The following EGLN1 variants were observed in gnomAD, a reference collection of about 807,000 sequenced individuals.
EGLN1 encodes the protein egl nine homolog 1.
EGLN1 carries 17 observed loss-of-function variants against 38.3 expected under a neutral mutation model. The ratio of observed to expected loss-of-function variants is 0.44; its 90% CI spans 0.30 to 0.67. EGLN1 has a LOEUF of 0.67. Ranked by LOEUF, EGLN1 falls within the 30% of genes least tolerant of loss-of-function variation. The probability of loss-of-function intolerance (pLI) is 0.08; values close to 1 mark genes in which losing one functional copy is unlikely to be tolerated. For missense variants in EGLN1, 477 were observed against 603.3 expected, an observed-to-expected ratio of 0.79 and a Z score of 2.19; for synonymous variants, 283 against 257.5, an observed-to-expected ratio of 1.10 and a Z score of -0.95.
chr1:231,391,081 CTGTT>C (rs1467315985), intron 1 of EGLN1, among the ~76,000 whole-genome samples: 2 of 60,216 alleles, frequency 3.3e-5, no homozygotes, highest in African/African-American at 6.2e-5. Flanking sequence ...GGAACTCATT[CTGTT>C]TTTTTTTTGT....
At chr1:231,411,413 T>C (rs943007530) in intron 1 of EGLN1, among the ~76,000 whole-genome samples, 1 of 152,190 alleles carries the variant, frequency 6.6e-6, no homozygotes, top group Non-Finnish European at 1.5e-5. Context: ...TTCACAGCAG[T>C]GTGAAAACAG....
chr1:231,410,888 A>G (rs1312638919), intron 1 of EGLN1, among the ~76,000 whole-genome samples: 1 of 151,572 alleles, frequency 6.6e-6, no homozygotes, highest in Non-Finnish European at 1.5e-5. Context: ...TTTTTTAGCT[A>G]AAAAGCAATT....
In EGLN1 at chr1:231,370,571, T is replaced by A; in HGVS notation, c.1139A>T (p.Tyr380Phe). 6.2e-7 allele frequency: 1 copy of A among 1,613,810 alleles called. No homozygotes were observed. The highest frequency in any genetic ancestry group is 8.5e-7 in the Non-Finnish European group (1 of 1,180,022). Residue 380 changes from tyrosine to phenylalanine, a missense_variant, in exon 3 of 5, where the codon TAT becomes TTT. Physicochemically the swap from Tyr to Phe is conservative, Grantham distance 22 (BLOSUM62 3). Around this residue, in one of 4 missense-constraint regions of EGLN1, gnomAD observed 59 missense variants for 119.0 expected, o/e 0.50. Transcript: ENST00000366641. ...RRNPHEVQPA[Y>F]ATRYAITVWY... ...TGAAAAGGAATACTACCTTGTAGCA[T>A]ATGCTGGTTGTACTTCATGAGGGTT... is the stretch of plus-strand genomic sequence containing the variant.
At chr1:231,390,737 G>GA (rs2102914571) in intron 1 of EGLN1, among the ~76,000 whole-genome samples, 1 of 152,332 alleles carries the variant, frequency 6.6e-6, no homozygotes, top group South Asian at 2.1e-4. Context: ...CCGTTTTGAG[G>GA]AAAGAAGAGC....
chr1:231,405,100 G>T (rs1348551955), intron 1 of EGLN1, among the ~76,000 whole-genome samples: 1 of 152,170 alleles, frequency 6.6e-6, no homozygotes, highest in Non-Finnish European at 1.5e-5. Context: ...CAAGAACAGA[G>T]TTAAGGGCAA....
At chr1:231,413,661 G>C (rs1026213685) in intron 1 of EGLN1, among the ~76,000 whole-genome samples, 5 of 152,238 alleles carry the variant, frequency 3.3e-5, no homozygotes, top group African/African-American at 1.2e-4. Flanking sequence ...TCCATGAGAA[G>C]GGGGGCTTTT....
intron 1 of EGLN1, among the ~76,000 whole-genome samples, chr1:231,416,984 G>T (rs1689100419): frequency 6.6e-6 from 1 of 152,196 alleles, no homozygotes; most frequent in African/African-American, 2.4e-5. Context: ...GGAGATAAAG[G>T]TGTACTTATG....
At chr1:231,412,061 TA>T (rs1202644064) in intron 1 of EGLN1, among the ~76,000 whole-genome samples, 3 of 126,106 alleles carry the variant, frequency 2.4e-5, no homozygotes, top group Admixed American at 9.1e-5. Flanking sequence ...GCCTGGATAG[TA>T]TATTCTAATT....
chr1:231,381,410 T>C (rs536704738), intron 1 of EGLN1, among the ~76,000 whole-genome samples: 3 of 152,238 alleles, frequency 2.0e-5, no homozygotes, highest in Admixed American at 6.5e-5. Flanking sequence ...CATAGAAATA[T>C]GAAAAATACA....
In EGLN1 at chr1:231,367,603, A is replaced by G; in HGVS notation, c.1182T>C (p.Asp394=). ...ATTTTACTTTAGCTCGTGCTCTCTC[A>G]TCTGCATCAAAATACCAAACAGTTA... ...YAITVWYFDA[D]ERARAKVKYL... The change falls in exon 4 of 5, where the codon GAT becomes GAC. Residue 394 remains aspartate, a synonymous_variant. Transcript: ENST00000366641. 1 of 1,614,090 alleles carries G rather than the reference A, an allele frequency of 6.2e-7. No homozygotes were observed. Among genetic ancestry groups the G allele is most frequent in the South Asian group, 1.1e-5 (1 of 91,078 alleles).
At chr1:231,377,992 A>C (rs1490215215) in intron 1 of EGLN1, among the ~76,000 whole-genome samples, 1 of 152,254 alleles carries the variant, frequency 6.6e-6, no homozygotes, top group Non-Finnish European at 1.5e-5. Context: ...TTCCCAGTAT[A>C]GCTCAATTAT....
intron 3 of EGLN1, among the ~76,000 whole-genome samples, chr1:231,367,949 C>T (rs909449587): frequency 6.6e-6 from 1 of 151,948 alleles, no homozygotes; most frequent in South Asian, 2.1e-4. Context: ...TTCGGGAGGC[C>T]GAAGTGGGTG....
rs141850369 is a variant in EGLN1, at chr1:231,374,267, G to C, written c.892-168C>G. 0.012 allele frequency among the ~76,000 whole-genome samples: 1,768 copies of C among 152,206 alleles called. 26 individuals carry two copies. Among genetic ancestry groups the C allele is most frequent in the Non-Finnish European group, 0.015 (1,054 of 68,002 alleles). On this transcript the variant is annotated intron_variant, in intron 1 of 4. Transcript: ENST00000366641. ...GCTATTCTACATTAACATTTATAGG[G>C]AACACAAGATAGGTTGATGAACAAG...
In EGLN1 at chr1:231,388,303, C is replaced by T. The variant is rs1688273058; in HGVS notation, c.892-14204G>A. Among the ~76,000 whole-genome samples the T allele has an allele frequency of 3.3e-5, 5 of 152,304 alleles. No homozygotes were observed. In the South Asian group the frequency reaches 1.0e-3, roughly 32 times the overall value. On this transcript the variant is annotated intron_variant, in intron 1 of 4. Transcript: ENST00000366641. ...TTAAGAGGGAAGAACCAACTAGATA[C>T]ATTTTTTAAAATCTTGAAAAATATT...
Position 231,392,895 on chromosome 1 carries a change from C to A in EGLN1, c.892-18796G>T, listed in dbSNP as rs149599423. On this transcript the variant is annotated intron_variant, in intron 1 of 4. Transcript: ENST00000366641. ...CAGGTGCCTCATTTACTTGGGAAAG[C>A]CTGACCTGTAGTCCTCAGTTCTCAC... Among the ~76,000 whole-genome samples the A allele has an allele frequency of 1.6e-3, 244 of 152,288 alleles. 1 individual carries two copies. Among genetic ancestry groups the A allele is most frequent in the African/African-American group, 5.5e-3 (229 of 41,562 alleles).
chr1:231,410,556 C>A (rs1688911504), intron 1 of EGLN1, among the ~76,000 whole-genome samples: 1 of 152,090 alleles, frequency 6.6e-6, no homozygotes, highest in African/African-American at 2.4e-5. Context: ...AGCTGCTAAA[C>A]TTTGGAGTAA....
intron 1 of EGLN1, among the ~76,000 whole-genome samples, chr1:231,393,850 T>C (rs1284665871): frequency 1.3e-5 from 2 of 152,192 alleles, no homozygotes; most frequent in Admixed American, 6.5e-5. Context: ...GGTTTTAATA[T>C]CAGAACAGTA....
At chr1:231,401,909 AT>A (rs1451301207) in intron 1 of EGLN1, among the ~76,000 whole-genome samples, 1 of 152,170 alleles carries the variant, frequency 6.6e-6, no homozygotes, top group Non-Finnish European at 1.5e-5. Context: ...TGGCTGTACC[AT>A]TTTGTATTTC....
chr1:231,404,617 A>G (rs1451514528), intron 1 of EGLN1, among the ~76,000 whole-genome samples: 2 of 152,088 alleles, frequency 1.3e-5, no homozygotes, highest in African/African-American at 4.8e-5. Context: ...GTCTCTAAAA[A>G]AAAAATTTTT....
Sources: gnomAD v4.1 joint callset for allele counts (sites outside exome capture counted in the v4.1 genomes callset) on GRCh38, gnomAD v4.1.1 for gene constraint, gnomAD v4.1.1 regional missense constraint, MANE v1.5 for transcripts, NCBI Gene and HGNC (gene_info 2026-07-23, HGNC 2026-07-21) for gene names.